CLDN14: variants seen among roughly 807,000 people sequenced by gnomAD.
CLDN14 encodes the protein claudin 14, also known as claudin-14.
In CLDN14, 2 loss-of-function variants were observed where a neutral mutation model predicts 2.1. The observed-to-expected ratio is 0.96, with a 90% confidence interval of 0.39 to 3.01. The LOEUF (loss-of-function observed/expected upper bound fraction) is 3.01, where lower values mean the gene tolerates loss of function less well. Among genes scored for constraint, CLDN14 ranks in the 30% most tolerant of loss-of-function variants. The pLI is 0.09. For missense variants in CLDN14, 298 were observed against 328.0 expected (o/e 0.91, Z 0.71); for synonymous variants, 136 against 154.4 (o/e 0.88, Z 0.88).
At chr21:36,495,260 C>T (rs374357235) in intron 2 of CLDN14, among the ~76,000 whole-genome samples, 3 of 152,126 alleles carry the variant, frequency 2.0e-5, no homozygotes, top group Admixed American at 1.3e-4. Flanking sequence ...ACCCGGGAGG[C>T]GGAGGTTGCT....
intron 2 of CLDN14, chr21:36,487,319 G>A (rs766951367): frequency 6.0e-5 from 14 of 235,244 alleles, no homozygotes; most frequent in East Asian, 1.2e-4. Flanking sequence ...TGTTGACAGC[G>A]TCTTGCTGGG....
At chr21:36,504,387 G>T (rs1166385417) in intron 2 of CLDN14, among the ~76,000 whole-genome samples, 1 of 152,040 alleles carries the variant, frequency 6.6e-6, no homozygotes, top group East Asian at 1.9e-4. Flanking sequence ...TTTCTGCTTA[G>T]TCTAGGCCAA....
At chr21:36,528,686 C>T (rs2087354890) in intron 1 of CLDN14, among the ~76,000 whole-genome samples, 1 of 152,216 alleles carries the variant, frequency 6.6e-6, no homozygotes, top group Non-Finnish European at 1.5e-5. Flanking sequence ...CTCCTGCAGA[C>T]AGTGATGCAC....
intron 1 of CLDN14, among the ~76,000 whole-genome samples, chr21:36,553,279 G>T (rs1416910025): frequency 6.6e-6 from 1 of 152,162 alleles, no homozygotes; most frequent in Non-Finnish European, 1.5e-5. Context: ...GTTTCCTGAA[G>T]TAGGAGGTGC....
At chr21:36,512,015 A>G (rs534259169) in intron 1 of CLDN14, among the ~76,000 whole-genome samples, 13 of 152,220 alleles carry the variant, frequency 8.5e-5, no homozygotes, top group Non-Finnish European at 1.5e-4. Context: ...TGTGAATACC[A>G]TTAGTAGCCC....
intron 1 of CLDN14, among the ~76,000 whole-genome samples, chr21:36,527,154 C>T (rs942510933): frequency 1.3e-5 from 2 of 152,188 alleles, no homozygotes; most frequent in East Asian, 1.9e-4. Context: ...TCCTCTCGGA[C>T]GTGATAATTT....
At chr21:36,562,886 T>C (rs576239893) in intron 1 of CLDN14, among the ~76,000 whole-genome samples, 1 of 152,318 alleles carries the variant, frequency 6.6e-6, no homozygotes, top group Non-Finnish European at 1.5e-5. Context: ...AGTTATTCAT[T>C]CTGTTCTTCA....
intron 1 of CLDN14, among the ~76,000 whole-genome samples, chr21:36,523,634 G>A (rs946160984): frequency 3.3e-5 from 5 of 150,960 alleles, no homozygotes; most frequent in African/African-American, 1.2e-4. Flanking sequence ...TGTAACCCCA[G>A]CTACTCGGGA....
At chr21:36,488,220 C>CCCTTCCTTCCTT (rs747508864) in intron 2 of CLDN14, among the ~76,000 whole-genome samples, 17,596 of 97,156 alleles carry the variant, frequency 0.18, 2,507 homozygotes, top group Middle Eastern at 0.25. Context: ...ACTGTGATTC[C>CCCTTCCTTCCTT]CCTTCCTTCC....
chr21:36,466,672 G>T (rs753755056), intron 1 of CLDN14, among the ~76,000 whole-genome samples: 1 of 152,056 alleles, frequency 6.6e-6, no homozygotes, highest in Non-Finnish European at 1.5e-5. Context: ...ATTCTGCCCT[G>T]GCCCCTCTCA....
intron 1 of CLDN14, among the ~76,000 whole-genome samples, chr21:36,571,951 G>T (rs1176880581): frequency 6.6e-6 from 1 of 152,080 alleles, no homozygotes; most frequent in Non-Finnish European, 1.5e-5. Context: ...ATCCAAAAAG[G>T]ATAGAGTTCA....
chr21:36,480,199 A>C (rs1463105913), upstream of CLDN14: 1 of 152,284 alleles, frequency 6.6e-6, no homozygotes, highest in East Asian at 1.9e-4. Context: ...ATCAACGAGC[A>C]ACTGCTTTTG....
intron 1 of CLDN14, among the ~76,000 whole-genome samples, chr21:36,566,684 T>A (rs1159713406): frequency 1.3e-5 from 2 of 152,220 alleles, no homozygotes; most frequent in Non-Finnish European, 2.9e-5. Flanking sequence ...ACCAGCAGGC[T>A]GCCATGTGCA....
chr21:36,561,826 C>T (rs1370311887), intron 1 of CLDN14, among the ~76,000 whole-genome samples: 2 of 152,126 alleles, frequency 1.3e-5, no homozygotes, highest in African/African-American at 4.8e-5. Flanking sequence ...CTGGAAGGAG[C>T]AGGCACTACT....
At chr21:36,497,876 G>A (rs1468221682) in intron 2 of CLDN14, among the ~76,000 whole-genome samples, 2 of 152,162 alleles carry the variant, frequency 1.3e-5, no homozygotes, top group Admixed American at 6.6e-5. Context: ...GGACTGCCCC[G>A]TGAGGCTGTG....
In CLDN14 at chr21:36,486,626, G is replaced by C. The variant is rs750809701; in HGVS notation, c.-82+23737C>G. On this transcript the variant is annotated intron_variant, in intron 2 of 2. Coordinates refer to the CLDN14 transcript ENST00000342108. ...ACCGCTTCCATCTTTGCCATTCAAC[G>C]TGTTTACAAAGGCTGTCAGCTTTTC... The C allele has an allele frequency of 6.5e-6, 10 of 1,531,502 alleles. No individual in the cohort carries two copies. In the Admixed American group the frequency reaches 8.4e-5, roughly 13 times the overall value. The allele number at this position is 1,531,502 out of a possible 1,614,324, so 94.9% of individuals were successfully genotyped here.
At chr21:36,566,913 A>G (rs1181193840) in intron 1 of CLDN14, among the ~76,000 whole-genome samples, 1 of 152,220 alleles carries the variant, frequency 6.6e-6, no homozygotes, top group African/African-American at 2.4e-5. Context: ...TCCGTCTGCC[A>G]TCGGGAAGAA....
intron 1 of CLDN14, among the ~76,000 whole-genome samples, chr21:36,464,179 C>G (rs219766): frequency 0.27 from 40,697 of 152,032 alleles, 5,970 homozygotes; most frequent in African/African-American, 0.38. Context: ...TCCCCTCTCT[C>G]TCTTCCTCCT....
At chr21:36,481,121 C>A (rs966742615), upstream of CLDN14, 1 of 152,086 alleles carries the variant, frequency 6.6e-6, no homozygotes, top group Non-Finnish European at 1.5e-5. Context: ...ATTTATAGGC[C>A]CAGATCCTCT....
Sources: gnomAD v4.1 joint callset for allele counts (sites outside exome capture counted in the v4.1 genomes callset) on GRCh38, gnomAD v4.1.1 for gene constraint, MANE v1.5 for transcripts, NCBI Gene and HGNC (gene_info 2026-07-23, HGNC 2026-07-21) for gene names.